Variants in SLC4A10 observed in about 807,000 individuals in gnomAD.
SLC4A10 encodes the protein sodium-driven chloride bicarbonate exchanger.
SLC4A10 carries 42 observed loss-of-function variants against 137.7 expected under a neutral mutation model. The observed-to-expected ratio is 0.30, with a 90% CI of 0.24 to 0.39. SLC4A10 has a LOEUF of 0.39. Ranked by LOEUF, SLC4A10 falls within the 10% of genes least tolerant of loss-of-function variation. The pLI, the probability that SLC4A10 is intolerant of heterozygous loss-of-function variation, is 1.00. For missense variants in SLC4A10, 925 were observed against 1,355.0 expected, an observed-to-expected ratio of 0.68 and a Z score of 4.98; for synonymous variants, 474 against 464.1, an observed-to-expected ratio of 1.02 and a Z score of -0.27.
At chr2:161,640,657 C>CTTCCTTCCTTCCTTCCTTCT (rs1553470354) in intron 1 of SLC4A10, among the ~76,000 whole-genome samples, 7 of 62,262 alleles carry the variant, frequency 1.1e-4, no homozygotes, top group East Asian at 4.5e-4. Flanking sequence ...TCCTTCCTTC[C>CTTCCTTCCTTCCTTCCTTCT]TTCTTTCTTT....
At chr2:161,945,969 G>A (rs546445101) in intron 16 of SLC4A10, among the ~76,000 whole-genome samples, 1 of 151,946 alleles carries the variant, frequency 6.6e-6, no homozygotes, top group South Asian at 2.1e-4. Context: ...TTTCTATGTA[G>A]CAATTTTGCT....
In SLC4A10 at chr2:161,735,627, C is replaced by A. The variant is rs78172831; in HGVS notation, c.49-35346C>A. ...CCCATCTGGGTGCCAAGTTTATATA[C>A]CAGGTGTAGAACTCAGGACAGAAGA... On this transcript the variant is annotated intron_variant, in intron 1 of 26. Transcript: ENST00000446997. Among the ~76,000 whole-genome samples, 583 of 152,198 alleles carry A rather than the reference C, an allele frequency of 3.8e-3. 3 individuals carry two copies. Among genetic ancestry groups the A allele is most frequent in the African/African-American group, 0.013 (559 of 41,512 alleles).
At chr2:161,882,231 A>G in intron 9 of SLC4A10, 126 bp from the exon 10 acceptor site, 1 of 570,906 alleles carries the variant, frequency 1.8e-6, no homozygotes, top group Non-Finnish European at 2.9e-6. Flanking sequence ...GAACTATGAA[A>G]AACTATGGAA....
At chr2:161,901,425 T>C (rs1683081497) in intron 12 of SLC4A10, among the ~76,000 whole-genome samples, 1 of 152,168 alleles carries the variant, frequency 6.6e-6, no homozygotes, top group South Asian at 2.1e-4. Flanking sequence ...TATTTTTTAT[T>C]TTTATGGCTG....
chr2:161,917,330 T>G (rs1035266765), intron 15 of SLC4A10, among the ~76,000 whole-genome samples: 3 of 152,128 alleles, frequency 2.0e-5, no homozygotes, highest in African/African-American at 7.2e-5. Flanking sequence ...AGGTCTTTAT[T>G]TGGACTGTTT....
chr2:161,910,017 A>C (rs1685448755), intron 15 of SLC4A10, among the ~76,000 whole-genome samples: 1 of 152,152 alleles, frequency 6.6e-6, no homozygotes, highest in Admixed American at 6.5e-5. Flanking sequence ...ATTCCTAGAA[A>C]ATGTTATAGC....
intron 2 of SLC4A10, among the ~76,000 whole-genome samples, chr2:161,800,111 A>G (rs764559980): frequency 3.9e-5 from 6 of 152,008 alleles, no homozygotes; most frequent in Non-Finnish European, 8.8e-5. Flanking sequence ...AAGTGTCTGC[A>G]TATCTCTGAG....
intron 2 of SLC4A10, among the ~76,000 whole-genome samples, chr2:161,799,453 G>T (rs538960359): frequency 6.6e-6 from 1 of 151,992 alleles, no homozygotes; most frequent in Non-Finnish European, 1.5e-5. Context: ...TACAGGACCT[G>T]AGGGGATTCT....
At chr2:161,887,425 T>C (rs7557966) in intron 10 of SLC4A10, among the ~76,000 whole-genome samples, 151,649 of 152,228 alleles carry the variant, frequency 1, 75,536 homozygotes, top group South Asian at 1. Context: ...AATTTACACT[T>C]CCACCAACAG....
Position 161,974,234 on chromosome 2 carries a change from C to T in SLC4A10, c.3160-15C>T, listed in dbSNP as rs1216225342. 12 of 1,590,260 alleles carry T rather than the reference C, an allele frequency of 7.5e-6. No individual in the cohort carries two copies. Among genetic ancestry groups the T allele is most frequent in the Non-Finnish European group, 9.4e-6 (11 of 1,167,696 alleles). ...CATCAGGTTCACTTTATATACTTTA[C>T]ATTTGTCTTTTCAGGAAGAACAAAG... is the stretch of plus-strand genomic sequence containing the variant. On this transcript the variant is annotated splice_polypyrimidine_tract_variant and intron_variant, in intron 23 of 26. Coordinates refer to ENST00000446997, the MANE Select transcript of SLC4A10 (RefSeq NM_001178015.2).
intron 3 of SLC4A10, among the ~76,000 whole-genome samples, chr2:161,811,816 C>A (rs941710526): frequency 6.6e-6 from 1 of 151,900 alleles, no homozygotes; most frequent in Non-Finnish European, 1.5e-5. Flanking sequence ...TGTTTATTTT[C>A]TATTCCCTCT....
chr2:161,747,546 A>C (rs2048513137), intron 1 of SLC4A10, among the ~76,000 whole-genome samples: 1 of 152,100 alleles, frequency 6.6e-6, no homozygotes, highest in African/African-American at 2.4e-5. Context: ...GTTCTTATGA[A>C]GGTGCTTTCT....
intron 23 of SLC4A10, among the ~76,000 whole-genome samples, chr2:161,970,448 A>G (rs533460830): frequency 6.6e-6 from 1 of 152,342 alleles, no homozygotes; most frequent in Admixed American, 6.5e-5. Context: ...GTAGTTGAGG[A>G]AGAAAATGGT....
chr2:161,960,809 G>A (rs1325492513), intron 21 of SLC4A10, among the ~76,000 whole-genome samples: 1 of 152,138 alleles, frequency 6.6e-6, no homozygotes, highest in Non-Finnish European at 1.5e-5. Flanking sequence ...AGCTGGAAGG[G>A]GCAAGGAAGT....
intron 26 of SLC4A10, among the ~76,000 whole-genome samples, chr2:161,979,952 A>C (rs1242120197): frequency 6.6e-6 from 1 of 152,224 alleles, no homozygotes; most frequent in African/African-American, 2.4e-5. Flanking sequence ...CGTTTAACTG[A>C]CAGTAGAATC....
intron 1 of SLC4A10, among the ~76,000 whole-genome samples, chr2:161,684,924 G>T (rs1421386363): frequency 6.6e-6 from 1 of 152,152 alleles, no homozygotes; most frequent in African/African-American, 2.4e-5. Context: ...TGATTCTGAG[G>T]TTCAAAAAGA....
At chr2:161,746,631 C>T (rs982800949) in intron 1 of SLC4A10, among the ~76,000 whole-genome samples, 2 of 152,050 alleles carry the variant, frequency 1.3e-5, no homozygotes, top group Non-Finnish European at 1.5e-5. Flanking sequence ...ACTCTTCTTT[C>T]CCCTTTCCTC....
At chr2:161,683,929 T>A (rs138106806) in intron 1 of SLC4A10, among the ~76,000 whole-genome samples, 62 of 152,308 alleles carry the variant, frequency 4.1e-4, no homozygotes, top group African/African-American at 1.4e-3. Context: ...ATGTTCCAAT[T>A]CTGTAACTTT....
intron 2 of SLC4A10, among the ~76,000 whole-genome samples, chr2:161,782,841 A>G (rs2125484758): frequency 6.6e-6 from 1 of 151,026 alleles, no homozygotes; most frequent in South Asian, 2.1e-4. Context: ...AAAAAAGCTT[A>G]AAGGACTTAC....
Sources: allele counts gnomAD v4.1 joint callset (sites outside exome capture counted in the v4.1 genomes callset), GRCh38; gene constraint gnomAD v4.1.1; transcripts MANE v1.5; gene names NCBI Gene and HGNC (gene_info 2026-07-23, HGNC 2026-07-21).